Variants in TMEM272 observed in about 807,000 individuals in gnomAD.
TMEM272 encodes long intergenic non-protein coding RNA 282.
TMEM272 carries 8 observed loss-of-function variants against 3.7 expected under a neutral mutation model. The observed-to-expected ratio is 2.17, with a 90% CI of 1.27 to 3.91. The LOEUF (loss-of-function observed/expected upper bound fraction) is 3.91, where lower values mean the gene tolerates loss of function less well. Among genes scored for constraint, TMEM272 ranks in the 30% most tolerant of loss-of-function variants. The pLI is 0.00. For missense variants in TMEM272, 166 were observed against 91.5 expected, an observed-to-expected ratio of 1.81 and a Z score of -3.32; for synonymous variants, 63 against 39.8, an observed-to-expected ratio of 1.58 and a Z score of -2.20.
chr13:51,876,875 G>A, the TMEM272 span, among the ~76,000 whole-genome samples: 1 of 152,172 alleles, frequency 6.6e-6, no homozygotes, highest in African/African-American at 2.4e-5. Context: ...TGAGGTGCAA[G>A]CTGGAGAGCA....
intron 2 of TMEM272, among the ~76,000 whole-genome samples, chr13:51,838,109 A>C (rs1286980603): frequency 6.6e-6 from 1 of 152,158 alleles, no homozygotes; most frequent in Non-Finnish European, 1.5e-5. Context: ...AGACAGGTTG[A>C]GGTAGGAGTA....
the TMEM272 span, chr13:51,930,578 C>G: frequency 6.6e-5 from 10 of 152,144 alleles, no homozygotes; most frequent in African/African-American, 2.4e-4. Flanking sequence ...CAAAGGGAAA[C>G]TGACAGTCAG....
intron 3 of TMEM272, among the ~76,000 whole-genome samples, chr13:51,822,341 T>C (rs768338148): frequency 4.6e-5 from 7 of 151,802 alleles, no homozygotes; most frequent in Non-Finnish European, 1.0e-4. Context: ...CACAGCGGAG[T>C]GGCGATAAAT....
chr13:51,904,850 G>A, the TMEM272 span, among the ~76,000 whole-genome samples: 9 of 152,118 alleles, frequency 5.9e-5, no homozygotes, highest in Non-Finnish European at 1.2e-4. Context: ...GTACTGATGT[G>A]GAGGCTGAAA....
the TMEM272 span, among the ~76,000 whole-genome samples, chr13:51,929,547 T>C: frequency 6.6e-6 from 1 of 152,204 alleles, no homozygotes; most frequent in East Asian, 1.9e-4. Context: ...AGCCACACTG[T>C]CCTGCCAAAG....
the TMEM272 span, among the ~76,000 whole-genome samples, chr13:51,864,826 T>C: frequency 4.1e-4 from 63 of 152,300 alleles, no homozygotes; most frequent in African/African-American, 1.4e-3. Flanking sequence ...GTCTCTCACC[T>C]TTTTGTTTTA....
the TMEM272 span, among the ~76,000 whole-genome samples, chr13:51,901,626 A>G: frequency 6.6e-6 from 1 of 152,016 alleles, no homozygotes; most frequent in South Asian, 2.1e-4. Flanking sequence ...CAGTGTCTCT[A>G]TTTTCCTTTC....
At chr13:51,829,521 A>G (rs9596587) in intron 2 of TMEM272, among the ~76,000 whole-genome samples, 26,256 of 152,108 alleles carry the variant, frequency 0.17, 2,762 homozygotes, top group East Asian at 0.51. Context: ...TTAATTCTCA[A>G]CTTAGAGTGG....
chr13:51,832,517 G>A (rs1348538626), intron 2 of TMEM272, among the ~76,000 whole-genome samples: 1 of 152,176 alleles, frequency 6.6e-6, no homozygotes, highest in Non-Finnish European at 1.5e-5. Flanking sequence ...GGCAAAGAGT[G>A]CAGGAAGAGA....
At chr13:51,837,097 A>C (rs1240217868) in intron 2 of TMEM272, among the ~76,000 whole-genome samples, 1 of 152,188 alleles carries the variant, frequency 6.6e-6, no homozygotes, top group East Asian at 1.9e-4. Context: ...TTCATACAAC[A>C]AGGGCAGAAA....
At chr13:51,907,997 A>G in the TMEM272 span, among the ~76,000 whole-genome samples, 1 of 152,226 alleles carries the variant, frequency 6.6e-6, no homozygotes, top group African/African-American at 2.4e-5. Context: ...GATTAATCAA[A>G]TTAAAATAGT....
At chr13:51,909,786 G>C in the TMEM272 span, 1 of 1,583,162 alleles carries the variant, frequency 6.3e-7, no homozygotes, top group Non-Finnish European at 8.7e-7. Context: ...TTCCAGCACA[G>C]CAGCCTGATC....
chr13:51,848,356 T>TA (rs1227192595), upstream of TMEM272, among the ~76,000 whole-genome samples: 1 of 152,136 alleles, frequency 6.6e-6, no homozygotes, highest in African/African-American at 2.4e-5. Flanking sequence ...GGCCACGTGA[T>TA]AGAGTCCACA....
At chr13:51,897,465 C>T in the TMEM272 span, among the ~76,000 whole-genome samples, 1 of 147,742 alleles carries the variant, frequency 6.8e-6, no homozygotes, top group African/African-American at 2.5e-5. Context: ...CTGCCTGCCT[C>T]AGACTTCCAA....
rs1416578747 is a variant in TMEM272, at chr13:51,815,603, G to A, written c.*1148C>T. 1 of 152,256 alleles carries A rather than the reference G, an allele frequency of 6.6e-6. No individual in the cohort carries two copies. The highest frequency in any genetic ancestry group is 1.9e-4 in the East Asian group (1 of 5,192). The allele number at this position is 152,256 out of a possible 1,614,324, so 9.4% of individuals were successfully genotyped here. A position where few individuals can be genotyped will look rare whatever the true frequency, so the allele number is the denominator to read the frequency against. On this transcript the variant is annotated 3_prime_UTR_variant, in exon 5 of 5. Transcript: ENST00000629372. ...AATGCTATGCACGTGGCTGAGAGAA[G>A]CACGGTTAAGCAGGTGCCACGCACC... is the stretch of plus-strand genomic sequence containing the variant.
chr13:51,927,032 C>T, the TMEM272 span, among the ~76,000 whole-genome samples: 2 of 152,070 alleles, frequency 1.3e-5, no homozygotes, highest in Non-Finnish European at 2.9e-5. Flanking sequence ...CAGGAAACCC[C>T]AATAAACCCA....
the TMEM272 span, chr13:51,910,474 G>T: frequency 2.5e-6 from 2 of 787,674 alleles, no homozygotes; most frequent in Non-Finnish European, 4.6e-6. Flanking sequence ...ACAAATCCAA[G>T]GACAGCTGCA....
upstream of TMEM272, among the ~76,000 whole-genome samples, chr13:51,847,313 C>T (rs139734993): frequency 1.3e-3 from 195 of 152,286 alleles, 1 homozygote; most frequent in African/African-American, 4.0e-3. Context: ...AGATCAGCAA[C>T]GGCATTTGAT....
At chr13:51,903,809 G>A in the TMEM272 span, among the ~76,000 whole-genome samples, 1 of 152,186 alleles carries the variant, frequency 6.6e-6, no homozygotes, top group South Asian at 2.1e-4. Flanking sequence ...GCCATAATGA[G>A]GCAGTGCTGG....
Sources: gnomAD v4.1 joint callset for allele counts (sites outside exome capture counted in the v4.1 genomes callset) on GRCh38, gnomAD v4.1.1 for gene constraint, MANE v1.5 for transcripts, NCBI Gene and HGNC (gene_info 2026-07-23, HGNC 2026-07-21) for gene names.